ATF6: variants seen among roughly 807,000 people sequenced by gnomAD.
ATF6 encodes cyclic AMP-dependent transcription factor ATF-6 alpha.
Under a neutral mutation model 83.6 loss-of-function variants are expected in ATF6, and 53 were observed. That is an observed-to-expected ratio of 0.63 (90% CI 0.51 to 0.80). ATF6 has a LOEUF of 0.80. ATF6 is among the 30% of genes least tolerant of loss of function. The pLI is 0.00. For synonymous variants in ATF6, 288 were observed against 285.8 expected (o/e 1.01, Z -0.08); for missense variants, 744 against 797.9 (o/e 0.93, Z 0.81).
At chr1:161,949,777 G>T (rs1167354269) in intron 15 of ATF6, among the ~76,000 whole-genome samples, 9 of 152,124 alleles carry the variant, frequency 5.9e-5, no homozygotes, top group Admixed American at 5.9e-4. Flanking sequence ...CCCTGAGGGA[G>T]AACATTAATC....
At chr1:161,786,512 CAAAG>C (rs1419866235) in intron 4 of ATF6, among the ~76,000 whole-genome samples, 3 of 151,840 alleles carry the variant, frequency 2.0e-5, no homozygotes, top group East Asian at 1.9e-4. Flanking sequence ...TTTGTTCACT[CAAAG>C]GAAGGTTTTC....
intron 1 of ATF6, among the ~76,000 whole-genome samples, chr1:161,770,794 T>C (rs1268083519): frequency 6.6e-6 from 1 of 152,228 alleles, no homozygotes; most frequent in African/African-American, 2.4e-5. Flanking sequence ...AACATTTGTG[T>C]GCAGGTTTTT....
At chr1:161,827,657 A>T (rs574253104) in intron 9 of ATF6, among the ~76,000 whole-genome samples, 4 of 149,288 alleles carry the variant, frequency 2.7e-5, no homozygotes, top group South Asian at 4.1e-4. Flanking sequence ...TGAAAAAAAA[A>T]AAATAAAACA....
intron 14 of ATF6, among the ~76,000 whole-genome samples, chr1:161,899,190 A>G (rs556715126): frequency 1.3e-5 from 2 of 152,274 alleles, no homozygotes; most frequent in South Asian, 2.1e-4. Flanking sequence ...TTTTTTTCAT[A>G]TCACAATAAT....
chr1:161,882,554 T>C (rs1277742892), intron 14 of ATF6, among the ~76,000 whole-genome samples: 1 of 152,098 alleles, frequency 6.6e-6, no homozygotes, highest in Non-Finnish European at 1.5e-5. Context: ...ACTCTATGCA[T>C]TGGCTTAGAT....
intron 15 of ATF6, among the ~76,000 whole-genome samples, chr1:161,954,416 G>C (rs942072409): frequency 6.6e-6 from 1 of 152,184 alleles, no homozygotes; most frequent in Non-Finnish European, 1.5e-5. Context: ...TTTACACAGA[G>C]AAAGCTACCT....
chr1:161,955,916 G>A lies in ATF6; in HGVS notation c.1805-2530G>A, dbSNP rs1050007241. Among the ~76,000 whole-genome samples, 5 of 152,104 alleles carry A rather than the reference G, an allele frequency of 3.3e-5. No homozygotes were observed. In the East Asian group the frequency reaches 9.6e-4, roughly 29 times the overall value. On this transcript the variant is annotated intron_variant, in intron 15 of 15. Coordinates refer to ENST00000367942, the MANE Select transcript of ATF6 (RefSeq NM_007348.4). ...TCTAAAGCCACCTAGACCAAACCTA[G>A]CCTGAGTCTCCTTCTGGTTGGGCTT... is the stretch of plus-strand genomic sequence containing the variant.
rs1427169872 is a variant in ATF6, at chr1:161,939,103, A to T, written c.1805-19343A>T. Among the ~76,000 whole-genome samples the T allele has an allele frequency of 3.9e-5, 6 of 152,214 alleles. No homozygotes were observed. The East Asian group carries it at 1.2e-3, about 29-fold the overall frequency. ...TCCATCACCGTCATGCTACCATATT[A>T]TCTTCTCCATCCTCATCTTATTCCC... On this transcript the variant is annotated intron_variant, in intron 15 of 15. Transcript: ENST00000367942.
At position 161,929,535 on chromosome 1, in the gene ATF6, A is replaced by G. The variant is rs548896093; in HGVS notation, c.1804+17155A>G. ...TACAAGGAAGTCTGGGAAATAAATT[A>G]TCTGGTACTTTATACACTTAACTAG... On this transcript the variant is annotated intron_variant, in intron 15 of 15. Transcript: ENST00000367942. Among the ~76,000 whole-genome samples the G allele has an allele frequency of 2.4e-3, 366 of 152,344 alleles. 3 individuals are homozygous for G. The highest frequency in any genetic ancestry group is 8.4e-3 in the African/African-American group (351 of 41,570).
chr1:161,817,541 A>ATGTGCG (rs1685642281), intron 7 of ATF6, among the ~76,000 whole-genome samples: 1 of 152,064 alleles, frequency 6.6e-6, no homozygotes, highest in Admixed American at 6.6e-5. Flanking sequence ...GTGTGTGTGC[A>ATGTGCG]TGTGCGTGTT....
At chr1:161,781,135 A>T (rs1684627645) in intron 2 of ATF6, among the ~76,000 whole-genome samples, 2 of 152,172 alleles carry the variant, frequency 1.3e-5, no homozygotes, top group African/African-American at 4.8e-5. Context: ...GGACTCTGAA[A>T]TTATGTGACA....
At chr1:161,824,386 TAA>T (rs72265058) in intron 9 of ATF6, among the ~76,000 whole-genome samples, 5 of 140,224 alleles carry the variant, frequency 3.6e-5, no homozygotes, top group Admixed American at 1.4e-4. Context: ...TGGTCAAAAT[TAA>T]AAAAAAAAAA....
At chr1:161,781,379 T>C (rs755103990) in intron 2 of ATF6, among the ~76,000 whole-genome samples, 217 of 152,196 alleles carry the variant, frequency 1.4e-3, no homozygotes, top group Middle Eastern at 3.4e-3. Context: ...AAAAGGAAAA[T>C]TACTCAGTGA....
At chr1:161,935,853 A>C (rs1688524685) in intron 15 of ATF6, among the ~76,000 whole-genome samples, 2 of 152,250 alleles carry the variant, frequency 1.3e-5, no homozygotes, top group Admixed American at 6.5e-5. Flanking sequence ...GCATTTCTAA[A>C]GAAACGGAAT....
At chr1:161,792,002 A>T in intron 5 of ATF6, 122 bp from the exon 6 acceptor site, 1 of 851,540 alleles carries the variant, frequency 1.2e-6, no homozygotes, top group Non-Finnish European at 1.9e-6. Flanking sequence ...CTTAAACTCC[A>T]GTTAAAGATT....
At chr1:161,846,659 T>C in intron 10 of ATF6, 79 bp downstream of exon 10, 1 of 1,363,198 alleles carries the variant, frequency 7.3e-7, no homozygotes, top group Non-Finnish European at 9.7e-7. Flanking sequence ...AGTATAACAT[T>C]GCATCTAAAT....
At chr1:161,891,813 T>C (rs746051467) in intron 14 of ATF6, 6 of 152,338 alleles carry the variant, frequency 3.9e-5, no homozygotes, top group Middle Eastern at 3.4e-3. Context: ...TTCATACAGC[T>C]TATCCTCATA....
At chr1:161,953,330 A>C (rs1688904023) in intron 15 of ATF6, among the ~76,000 whole-genome samples, 1 of 152,182 alleles carries the variant, frequency 6.6e-6, no homozygotes, top group African/African-American at 2.4e-5. Flanking sequence ...ACCCCTGCTC[A>C]CTAAATTTTA....
At chr1:161,881,916 T>C (rs964578231) in intron 14 of ATF6, among the ~76,000 whole-genome samples, 3 of 152,156 alleles carry the variant, frequency 2.0e-5, no homozygotes, top group African/African-American at 7.2e-5. Flanking sequence ...GGTTTTACAT[T>C]TAGGTGTATG....
Sources: allele counts gnomAD v4.1 joint callset (sites outside exome capture counted in the v4.1 genomes callset), GRCh38; gene constraint gnomAD v4.1.1; transcripts MANE v1.5; gene names NCBI Gene and HGNC (gene_info 2026-07-23, HGNC 2026-07-21).